KLF12: variants seen among roughly 807,000 people sequenced by gnomAD.
KLF12 encodes Krueppel-like factor 12.
KLF12 carries 9 observed loss-of-function variants against 37.8 expected under a neutral mutation model. The observed-to-expected ratio is 0.24, with a 90% confidence interval of 0.14 to 0.42. The LOEUF is 0.42. Ranked by LOEUF, KLF12 falls within the 10% of genes least tolerant of loss-of-function variation. KLF12 has a pLI of 1.00. For missense variants in KLF12, 411 were observed against 516.0 expected (o/e 0.80, Z 1.97); for synonymous variants, 208 against 202.1 (o/e 1.03, Z -0.25).
the KLF12 span, among the ~76,000 whole-genome samples, chr13:74,144,485 T>C: frequency 1.3e-5 from 2 of 152,208 alleles, no homozygotes; most frequent in Non-Finnish European, 2.9e-5. Context: ...AAAATTAAAG[T>C]GCAGTGCCAC....
At chr13:73,794,785 A>G (rs1043829679) in intron 5 of KLF12, among the ~76,000 whole-genome samples, 2 of 152,156 alleles carry the variant, frequency 1.3e-5, no homozygotes, top group Non-Finnish European at 2.9e-5. Context: ...CCAGAGTGCA[A>G]AGATCATGAA....
intron 3 of KLF12, among the ~76,000 whole-genome samples, chr13:73,927,789 C>T (rs1295713312): frequency 6.7e-6 from 1 of 150,310 alleles, no homozygotes; most frequent in Non-Finnish European, 1.5e-5. Flanking sequence ...AGGGTTTCAC[C>T]GTTTTAGCCA....
At chr13:73,744,763 A>G (rs1048740847) in intron 6 of KLF12, among the ~76,000 whole-genome samples, 2 of 152,314 alleles carry the variant, frequency 1.3e-5, no homozygotes, top group East Asian at 3.9e-4. Flanking sequence ...GCATCAGGAC[A>G]TGAAAAAATA....
chr13:73,893,125 C>CA (rs1488773467), intron 3 of KLF12, among the ~76,000 whole-genome samples: 9 of 151,910 alleles, frequency 5.9e-5, no homozygotes, highest in East Asian at 1.9e-4. Context: ...GGCACTCTTT[C>CA]AAAAAAATCC....
chr13:74,241,863 G>A, the KLF12 span, among the ~76,000 whole-genome samples: 4 of 152,174 alleles, frequency 2.6e-5, no homozygotes, highest in African/African-American at 7.2e-5. Context: ...GTAGTGAGAT[G>A]AACCCGGTAC....
chr13:73,800,737 G>C (rs1882240530), intron 5 of KLF12: 1 of 151,860 alleles, frequency 6.6e-6, no homozygotes, highest in Non-Finnish European at 1.5e-5. Context: ...AATGCATCCA[G>C]TTTTCTGTAT....
chr13:73,969,392 A>T (rs536675925), intron 2 of KLF12, among the ~76,000 whole-genome samples: 9 of 152,208 alleles, frequency 5.9e-5, no homozygotes, highest in Non-Finnish European at 1.2e-4. Flanking sequence ...GGCCCCAGGT[A>T]AGCTTCTAAG....
intron 3 of KLF12, among the ~76,000 whole-genome samples, chr13:73,883,623 G>A (rs565958814): frequency 6.6e-6 from 1 of 152,090 alleles, no homozygotes; most frequent in East Asian, 1.9e-4. Flanking sequence ...CTAATTATTT[G>A]CAAAGCTTTG....
At chr13:74,186,013 A>C in the KLF12 span, among the ~76,000 whole-genome samples, 1 of 152,154 alleles carries the variant, frequency 6.6e-6, no homozygotes, top group Non-Finnish European at 1.5e-5. Flanking sequence ...TGGAATTGTT[A>C]TGTTATTAGC....
At chr13:74,226,097 A>G in the KLF12 span, among the ~76,000 whole-genome samples, 41 of 151,974 alleles carry the variant, frequency 2.7e-4, no homozygotes, top group Admixed American at 1.0e-3. Flanking sequence ...AAATGGTGGA[A>G]ATAGCTTTTT....
chr13:73,890,177 C>T (rs1330648627), intron 3 of KLF12, among the ~76,000 whole-genome samples: 1 of 152,030 alleles, frequency 6.6e-6, no homozygotes, highest in Non-Finnish European at 1.5e-5. Flanking sequence ...TTTCTCCCAC[C>T]CAACACTGTA....
the KLF12 span, among the ~76,000 whole-genome samples, chr13:74,220,154 C>T: frequency 6.6e-6 from 1 of 152,060 alleles, no homozygotes; most frequent in Non-Finnish European, 1.5e-5. Context: ...AACTTATATG[C>T]TAGCAATGGT....
the KLF12 span, among the ~76,000 whole-genome samples, chr13:74,275,889 CT>C: frequency 5.8e-3 from 623 of 107,504 alleles, 11 homozygotes; most frequent in South Asian, 6.8e-3. Flanking sequence ...TTCTTTCTTT[CT>C]TTCTTTCTTT....
At chr13:73,820,278 T>A (rs1883451372) in intron 4 of KLF12, among the ~76,000 whole-genome samples, 1 of 152,078 alleles carries the variant, frequency 6.6e-6, no homozygotes, top group Admixed American at 6.5e-5. Flanking sequence ...GCACACAGAA[T>A]CAGTTAAAAC....
chr13:74,139,891 A>G, the KLF12 span, among the ~76,000 whole-genome samples: 351 of 152,224 alleles, frequency 2.3e-3, 3 homozygotes, highest in Middle Eastern at 6.9e-3. Context: ...TACAAATGAA[A>G]ATAGTACTCT....
At chr13:73,783,725 A>G (rs1488445219) in intron 5 of KLF12, among the ~76,000 whole-genome samples, 1 of 152,150 alleles carries the variant, frequency 6.6e-6, no homozygotes, top group Non-Finnish European at 1.5e-5. Context: ...TTGACCATGA[A>G]TGACCCCAAG....
chr13:73,889,768 A>C (rs532107915), intron 3 of KLF12, among the ~76,000 whole-genome samples: 434 of 152,272 alleles, frequency 2.9e-3, no homozygotes, highest in Non-Finnish European at 4.3e-3. Context: ...AAGTTGAACA[A>C]GCACAAAATA....
chr13:73,973,958 G>A (rs1891424694), intron 2 of KLF12, among the ~76,000 whole-genome samples: 1 of 151,796 alleles, frequency 6.6e-6, no homozygotes, highest in Non-Finnish European at 1.5e-5. Flanking sequence ...CTCAGTACTC[G>A]TAAACACAAT....
At chr13:74,055,018 CAAT>C (rs1478788773) in intron 1 of KLF12, among the ~76,000 whole-genome samples, 2 of 152,122 alleles carry the variant, frequency 1.3e-5, no homozygotes, top group Admixed American at 6.5e-5. Context: ...TAAGAAATTA[CAAT>C]AACAGGGCAA....
Sources: gnomAD v4.1 joint callset for allele counts (sites outside exome capture counted in the v4.1 genomes callset) on GRCh38, gnomAD v4.1.1 for gene constraint, MANE v1.5 for transcripts, NCBI Gene and HGNC (gene_info 2026-07-23, HGNC 2026-07-21) for gene names.